Variants in TNK2 observed in about 807,000 individuals in gnomAD.
The protein encoded by TNK2 is activated CDC42 kinase 1.
A neutral mutation model predicts 101.8 loss-of-function variants in TNK2; 83 were observed. The ratio of observed to expected loss-of-function variants is 0.82; its 90% CI spans 0.68 to 0.98. TNK2 has a LOEUF of 0.98. Among genes scored for constraint, TNK2 ranks in the 50% least tolerant of loss-of-function variants. The pLI, the probability that TNK2 is intolerant of heterozygous loss-of-function variation, is 0.00. For missense variants in TNK2, 1,665 were observed against 1,483.2 expected (o/e 1.12, Z -2.01); for synonymous variants, 804 against 633.0 (o/e 1.27, Z -4.06).
At chr3:195,905,273 C>T (rs1451658858) in intron 1 of TNK2, among the ~76,000 whole-genome samples, 1 of 152,126 alleles carries the variant, frequency 6.6e-6, no homozygotes, top group African/African-American at 2.4e-5. Flanking sequence ...AATCTTGGCT[C>T]ACTGCAACCT....
chr3:195,880,646 C>T (rs1752063354), intron 6 of TNK2, among the ~76,000 whole-genome samples: 1 of 87,052 alleles, frequency 1.1e-5, no homozygotes, highest in South Asian at 5.5e-4. Context: ...TTGAAGAGGA[C>T]ACAGCATATA....
rs748355484 is a variant in TNK2, at chr3:195,882,148, C to CGCGGGTAGCCAACAGCAGATT, written c.769_789dup (p.Asn257_Arg263dup). ...CCAAAGTCCCCGATCTTGACCAGGT[C>CGCGGGTAGCCAACAGCAGATT]GCGGGTAGCCAACAGCAGATTGCGG... On this transcript the variant is annotated inframe_insertion, in exon 6 of 16. Transcript: ENST00000672887. This position sits in a 1 kb window ranked among gnomAD's most constrained non-coding sequence, Gnocchi z 4.2. The CGCGGGTAGCCAACAGCAGATT allele has an allele frequency of 9.9e-6, 16 of 1,613,740 alleles. No individual in the cohort carries two copies. Among genetic ancestry groups the CGCGGGTAGCCAACAGCAGATT allele is most frequent in the Non-Finnish European group, 1.4e-5 (16 of 1,180,034 alleles).
chr3:195,869,890 C>T (rs1035386437), intron 11 of TNK2: 9 of 555,458 alleles, frequency 1.6e-5, no homozygotes, highest in Non-Finnish European at 2.3e-5. Context: ...CCGGGGCGGA[C>T]GGGCCTGCTG....
At chr3:195,879,359 G>A (rs1560508010) in intron 6 of TNK2, 184 bp from the exon 7 acceptor site, 10 of 812,558 alleles carry the variant, frequency 1.2e-5, no homozygotes, top group African/African-American at 1.7e-5. Flanking sequence ...GGGACTTGGG[G>A]AAATCGTCTA....
At chr3:195,907,230 C>T (rs1178947227) in intron 1 of TNK2, among the ~76,000 whole-genome samples, 1 of 152,212 alleles carries the variant, frequency 6.6e-6, no homozygotes, top group African/African-American at 2.4e-5. Context: ...GCACCGTGGG[C>T]ACAGCAGCTG....
chr3:195,907,776 T>A (rs2149899890), intron 1 of TNK2, among the ~76,000 whole-genome samples: 1 of 152,172 alleles, frequency 6.6e-6, no homozygotes, highest in South Asian at 2.1e-4. Context: ...TCTGCAAACC[T>A]CCCCAGGGTG....
chr3:195,880,929 C>G (rs1213939942), intron 6 of TNK2, among the ~76,000 whole-genome samples: 4 of 22,246 alleles, frequency 1.8e-4, no homozygotes, highest in Non-Finnish European at 3.7e-4. Context: ...TAACACCCCC[C>G]CAGCAATGCC....
At position 195,872,431 on chromosome 3, in the gene TNK2, C is replaced by T. The variant is rs1405086350; in HGVS notation, c.1296G>A (p.Thr432=). Residue 432 remains threonine, a synonymous_variant, in exon 10 of 16, where the codon ACG becomes ACA. Transcript: ENST00000672887. The part of the protein sequence containing the change: ...NYWWRGQNTR[T]LCVGPFPRNV... Reference sequence around the variant, plus strand: ...TGCGAGGGAAGGGCCCCACACACAGCGTCCGTGTGTTCTGGCCACGCCACC... The same window carrying T: ...TGCGAGGGAAGGGCCCCACACACAGTGTCCGTGTGTTCTGGCCACGCCACC... 5.6e-6 allele frequency: 9 copies of T among 1,610,660 alleles called. No homozygotes were observed. Among genetic ancestry groups the T allele is most frequent in the South Asian group, 1.1e-5 (1 of 90,738 alleles).
chr3:195,885,785 GTCGGTCTGAC>G lies in TNK2; in HGVS notation c.235-762_235-753del. The G allele has an allele frequency of 2.8e-6, 1 of 361,438 alleles. No individual in the cohort carries two copies. 22.4% of individuals were successfully genotyped at this position (361,438 alleles called of 1,614,324 possible). A position where few individuals can be genotyped will look rare whatever the true frequency, so the allele number is the denominator to read the frequency against. On this transcript the variant is annotated intron_variant, in intron 3 of 15. Transcript: ENST00000672887. The surrounding 1 kb of genome is among the most constrained non-coding windows in gnomAD (Gnocchi z 4.7). ...GGCCATGAGGGTCAAAGCTGGCCACGTCGGTCTGACTCGGCCTCCACTGAGGCACCCACAG... is the reference window on the plus strand; with the variant it reads ...GGCCATGAGGGTCAAAGCTGGCCACGTCGGCCTCCACTGAGGCACCCACAG...
chr3:195,879,307 G>C, intron 6 of TNK2, 132 bp from the exon 7 acceptor site: 1 of 1,422,806 alleles, frequency 7.0e-7, no homozygotes, highest in Admixed American at 2.1e-5. Context: ...GGTCTCAGGG[G>C]CGCCGTGTGA....
rs1453318395 is a variant in TNK2 at position 195,870,170 on chromosome 3, A to C, written c.1487T>G (p.Leu496Arg). The change falls in exon 11 of 16, where the codon CTC becomes CGC. Residue 496 changes from leucine (L) to arginine (R), a missense_variant. By Grantham distance (102) the Leu-to-Arg change is moderately radical. Transcript: ENST00000672887. ...GGAGGTGCTCAGTTCCACGCTCAGG[A>C]GGTCGGGGGGGTCCATGGGGTTTCC... ...YLGNPMDPPDLLSVELSTSRP... is the reference protein window; with the variant it reads ...YLGNPMDPPDRLSVELSTSRP... 49 of 1,472,218 alleles carry C rather than the reference A, an allele frequency of 3.3e-5. No homozygotes were observed. The highest frequency in any genetic ancestry group is 4.4e-5 in the Non-Finnish European group (48 of 1,100,286). The allele number at this position is 1,472,218 out of a possible 1,614,324, so 91.2% of individuals were successfully genotyped here.
chr3:195,869,581 G>A, intron 11 of TNK2, 40 bp from the exon 12 acceptor site: 4 of 1,547,204 alleles, frequency 2.6e-6, no homozygotes, highest in Non-Finnish European at 2.6e-6. Flanking sequence ...GAGAGACGGA[G>A]CAGGACAGAG....
At chr3:195,906,499 GA>G (rs1222366985) in intron 1 of TNK2, among the ~76,000 whole-genome samples, 1 of 152,154 alleles carries the variant, frequency 6.6e-6, no homozygotes, top group Non-Finnish European at 1.5e-5. Context: ...TCTGTTGAAT[GA>G]AAGACGCGAT....
chr3:195,885,093 C>A lies in TNK2; in HGVS notation c.235-60G>T. On this transcript the variant is annotated intron_variant, in intron 3 of 15. Coordinates refer to ENST00000672887, the MANE Select transcript of TNK2 (RefSeq NM_001382273.1). The surrounding 1 kb of genome is among the most constrained non-coding windows in gnomAD (Gnocchi z 4.7). The stretch of plus-strand genomic sequence containing the variant: ...AACACCCCAGGGTCAGTCACTCAGT[C>A]CCACCCCGCTGGGTCCACCTGGTGA... 3 of 1,479,906 alleles carry A rather than the reference C, an allele frequency of 2.0e-6. No homozygotes were observed. Among genetic ancestry groups the A allele is most frequent in the Non-Finnish European group, 2.7e-6 (3 of 1,098,880 alleles). The allele number at this position is 1,479,906 out of a possible 1,614,324, so 91.7% of individuals were successfully genotyped here. A position where few individuals can be genotyped will look rare whatever the true frequency, so the allele number is the denominator to read the frequency against.
rs1742408925 is a variant in TNK2 at position 195,868,375 on chromosome 3, T to C, written c.1923A>G (p.Ala641=). ...AGGCGGGCGGGGGGGGCAGCGGGCGTGCGTCCCAGTCCACCACAGGCGTGG... is the reference window on the plus strand; with the variant it reads ...AGGCGGGCGGGGGGGGCAGCGGGCGCGCGTCCCAGTCCACCACAGGCGTGG... ...LHPTPVVDWD[A]RPLPPPPAYD... The change falls in exon 13 of 16, where the codon GCA becomes GCG. Residue 641 remains alanine (A), a synonymous_variant. Transcript: ENST00000672887. 1.3e-6 allele frequency: 2 copies of C among 1,592,812 alleles called. No homozygotes were observed. The highest frequency in any genetic ancestry group is 1.1e-5 in the South Asian group (1 of 89,932).
rs1286518332 is a variant in TNK2, at chr3:195,885,254, G to A, written c.235-221C>T. 1 of 1,095,612 alleles carries A rather than the reference G, an allele frequency of 9.1e-7. No homozygotes were observed. Among genetic ancestry groups the A allele is most frequent in the East Asian group, 2.6e-5 (1 of 38,110 alleles). The allele number at this position is 1,095,612 out of a possible 1,614,324, so 67.9% of individuals were successfully genotyped here. On this transcript the variant is annotated intron_variant, in intron 3 of 15. Coordinates refer to ENST00000672887, the MANE Select transcript of TNK2 (RefSeq NM_001382273.1). This position sits in a 1 kb window ranked among gnomAD's most constrained non-coding sequence, Gnocchi z 4.7. ...GCCTGATGCTGGCCTCAAGGAGGGT[G>A]CCAGAAAGAGACCGACAGGCATGCA...
chr3:195,875,489 C>T (rs1479166605), intron 9 of TNK2, among the ~76,000 whole-genome samples: 1 of 152,196 alleles, frequency 6.6e-6, no homozygotes, highest in Non-Finnish European at 1.5e-5. Context: ...ATGGCGCCCA[C>T]GCACACTCCA....
At chr3:195,892,765 CCCCGGCTTCCCCA>C (rs1759094258) in intron 1 of TNK2, 11 of 1,235,778 alleles carry the variant, frequency 8.9e-6, no homozygotes, top group Non-Finnish European at 1.1e-5. Context: ...CAGCCCTACT[CCCCGGCTTCCCCA>C]CCCAACTGCC....
intron 4 of TNK2, 158 bp from the exon 5 acceptor site, chr3:195,883,467 G>C: frequency 1.2e-6 from 1 of 823,702 alleles, no homozygotes; most frequent in Non-Finnish European, 1.9e-6. Context: ...TACGTGCTCT[G>C]CGTGAGGCCT....
Sources: allele counts gnomAD v4.1 joint callset (sites outside exome capture counted in the v4.1 genomes callset), GRCh38; gene constraint gnomAD v4.1.1; non-coding constraint Gnocchi (gnomAD v3.1); transcripts MANE v1.5; gene names NCBI Gene and HGNC (gene_info 2026-07-23, HGNC 2026-07-21).